XCR1: variants seen among roughly 807,000 people sequenced by gnomAD.
The protein encoded by XCR1 is chemokine XC receptor 1.
For missense variants in XCR1, 356 were observed against 424.2 expected, an observed-to-expected ratio of 0.84 and a Z score of 1.41; for synonymous variants, 187 against 188.5, an observed-to-expected ratio of 0.99 and a Z score of 0.06.
chr3:46,023,943 A>C (rs571771626), intron 1 of XCR1: 94 of 1,472,192 alleles, frequency 6.4e-5, no homozygotes, highest in Middle Eastern at 2.4e-4. Context: ...AGCTGGATGT[A>C]GATGCTGATT....
rs557371824 is a variant in XCR1, at chr3:46,048,181, G to T, written c.-32+5739C>A. Among the ~76,000 whole-genome samples, 133 of 152,296 alleles carry T rather than the reference G, an allele frequency of 8.7e-4. 2 individuals are homozygous for T. The South Asian group carries it at 0.027, about 31-fold the overall frequency. ...TATTCTGAGAGTCTAACTGTTCTATGTCAGGGGGAGTTTGGGATCCTGGAG... is the reference window on the plus strand; with the variant it reads ...TATTCTGAGAGTCTAACTGTTCTATTTCAGGGGGAGTTTGGGATCCTGGAG... On this transcript the variant is annotated intron_variant, in intron 5 of 5. Coordinates refer to the XCR1 transcript ENST00000683768.
chr3:46,073,245 C>A (rs1050153229), intron 3 of XCR1, among the ~76,000 whole-genome samples: 4 of 152,074 alleles, frequency 2.6e-5, no homozygotes, highest in Admixed American at 2.0e-4. Flanking sequence ...GTACATATGA[C>A]AAAGACAAAA....
upstream of XCR1, among the ~76,000 whole-genome samples, chr3:46,030,382 G>A (rs1277089496): frequency 6.6e-6 from 1 of 152,004 alleles, no homozygotes; most frequent in African/African-American, 2.4e-5. Context: ...AATGATGTTG[G>A]GTTTTGTTAA....
chr3:46,026,130 T>A (rs1575410415), intron 1 of XCR1, among the ~76,000 whole-genome samples: 1 of 152,152 alleles, frequency 6.6e-6, no homozygotes, highest in African/African-American at 2.4e-5. Flanking sequence ...CCTTTGATGA[T>A]ATAAACTCTC....
At chr3:46,077,201 C>T (rs975587014) in intron 1 of XCR1, among the ~76,000 whole-genome samples, 9 of 152,146 alleles carry the variant, frequency 5.9e-5, no homozygotes, top group Admixed American at 2.0e-4. Flanking sequence ...GGCTGCACAG[C>T]AGGAGGTAAG....
intron 5 of XCR1, among the ~76,000 whole-genome samples, chr3:46,051,881 C>G (rs930598225): frequency 2.0e-5 from 3 of 152,196 alleles, no homozygotes; most frequent in Admixed American, 2.0e-4. Context: ...AAAAAATTAG[C>G]CAGGTGTGGT....
intron 2 of XCR1, among the ~76,000 whole-genome samples, chr3:46,074,969 T>C (rs894577020): frequency 3.9e-5 from 6 of 152,128 alleles, no homozygotes; most frequent in African/African-American, 1.4e-4. Flanking sequence ...ACTAAGGACA[T>C]TGAATTCATA....
intron 4 of XCR1, among the ~76,000 whole-genome samples, chr3:46,060,300 G>A (rs1697935726): frequency 6.6e-6 from 1 of 152,128 alleles, no homozygotes; most frequent in South Asian, 2.1e-4. Flanking sequence ...TGAAACCTGG[G>A]CCATTAGCAG....
chr3:46,068,782 G>A (rs1698118338), intron 3 of XCR1, among the ~76,000 whole-genome samples: 2 of 15,382 alleles, frequency 1.3e-4, no homozygotes, highest in South Asian at 1.2e-3. Context: ...CATCATGGAC[G>A]TGTGTGTGTG....
At chr3:46,030,938 G>A (rs770392970), upstream of XCR1, among the ~76,000 whole-genome samples, 89 of 152,404 alleles carry the variant, frequency 5.8e-4, no homozygotes, top group Admixed American at 4.0e-3. Context: ...TTCAGGGCTA[G>A]CCCTGGGAGT....
At chr3:46,028,202 G>A (rs1708334352), upstream of XCR1, among the ~76,000 whole-genome samples, 2 of 151,884 alleles carry the variant, frequency 1.3e-5, no homozygotes, top group African/African-American at 2.4e-5. Context: ...TTTCTTGGTC[G>A]TGGGACAAGA....
chr3:46,052,385 G>T (rs111802857), intron 5 of XCR1, among the ~76,000 whole-genome samples: 13,671 of 152,168 alleles, frequency 0.09, 2,092 homozygotes, highest in African/African-American at 0.31. Context: ...CCCAACAGGG[G>T]GGTGCCATTC....
intron 2 of XCR1, among the ~76,000 whole-genome samples, chr3:46,076,230 T>C (rs1007825109): frequency 1.6e-4 from 24 of 152,136 alleles, no homozygotes; most frequent in Admixed American, 5.2e-4. Context: ...TTTAGGCAAA[T>C]TTGAAAGATA....
intron 3 of XCR1, among the ~76,000 whole-genome samples, chr3:46,068,560 A>G (rs1698114686): frequency 6.6e-6 from 1 of 152,176 alleles, no homozygotes; most frequent in South Asian, 2.1e-4. Flanking sequence ...CAGTTTGTCT[A>G]TAGTCAACCC....
intron 2 of XCR1, among the ~76,000 whole-genome samples, chr3:46,075,308 CAAAAAAAAAAA>C: frequency 1.6e-5 from 1 of 61,654 alleles, no homozygotes; most frequent in Admixed American, 2.2e-4. Flanking sequence ...GCTCATAGAC[CAAAAAAAAAAA>C]AAAAAAAAAA....
At chr3:46,079,479 C>T (rs892824673) in intron 1 of XCR1, among the ~76,000 whole-genome samples, 4 of 152,070 alleles carry the variant, frequency 2.6e-5, no homozygotes, top group Non-Finnish European at 5.9e-5. Flanking sequence ...TTTAAAAAGA[C>T]TTTGAAGCCC....
chr3:46,073,751 T>C (rs1411202870), intron 3 of XCR1, among the ~76,000 whole-genome samples: 3 of 151,840 alleles, frequency 2.0e-5, no homozygotes, highest in Non-Finnish European at 4.4e-5. Context: ...AATAACCCCA[T>C]TAAAAAGTGG....
chr3:46,059,120 A>G (rs1697913984), intron 4 of XCR1, among the ~76,000 whole-genome samples: 1 of 152,202 alleles, frequency 6.6e-6, no homozygotes, highest in Non-Finnish European at 1.5e-5. Flanking sequence ...CCAGCCTTGA[A>G]GGCACAAGAA....
At chr3:46,077,098 T>C (rs918540332) in intron 1 of XCR1, among the ~76,000 whole-genome samples, 8 of 152,132 alleles carry the variant, frequency 5.3e-5, no homozygotes, top group Non-Finnish European at 1.0e-4. Context: ...CACGTAGCTA[T>C]AAAATGCCAT....
Sources: gnomAD v4.1 joint callset for allele counts (sites outside exome capture counted in the v4.1 genomes callset) on GRCh38, gnomAD v4.1.1 for gene constraint, MANE v1.5 for transcripts, NCBI Gene and HGNC (gene_info 2026-07-23, HGNC 2026-07-21) for gene names.